Variants in CAMTA1 observed in about 807,000 individuals in gnomAD.
The protein encoded by CAMTA1 is calmodulin binding transcription activator 1.
CAMTA1 carries 27 observed loss-of-function variants against 170.9 expected under a neutral mutation model. That is an observed-to-expected ratio of 0.16 (90% confidence interval 0.12 to 0.22). CAMTA1 has a LOEUF of 0.22. CAMTA1 is among the 10% of genes least tolerant of loss of function. The probability of loss-of-function intolerance (pLI) is 1.00; values close to 1 mark genes in which losing one functional copy is unlikely to be tolerated. For missense variants in CAMTA1, 1,619 were observed against 2,217.2 expected (o/e 0.73, Z 5.42); for synonymous variants, 833 against 891.5 (o/e 0.93, Z 1.17).
intron 4 of CAMTA1, among the ~76,000 whole-genome samples, chr1:7,106,580 T>C (rs529023155): frequency 6.6e-6 from 1 of 152,230 alleles, no homozygotes; most frequent in Non-Finnish European, 1.5e-5. Flanking sequence ...TCAACTTCGG[T>C]GTCTTTCTTA....
At chr1:7,280,153 A>G (rs1557429829) in intron 5 of CAMTA1, among the ~76,000 whole-genome samples, 1 of 152,242 alleles carries the variant, frequency 6.6e-6, no homozygotes, top group Non-Finnish European at 1.5e-5. Context: ...TCCCAGCCTG[A>G]TGTGTGTCTG....
chr1:7,249,427 T>C lies in CAMTA1; in HGVS notation c.303-64T>C. The C allele has an allele frequency of 6.8e-7, 1 of 1,463,044 alleles. No homozygotes were observed. The allele number at this position is 1,463,044 out of a possible 1,614,324, so 90.6% of individuals were successfully genotyped here. On this transcript the variant is annotated intron_variant, in intron 4 of 22. Transcript: ENST00000303635. This position sits in a 1 kb window ranked among gnomAD's most constrained non-coding sequence, Gnocchi z 4.4. ...TAGAGACTTTTACTGGTCGATGATA[T>C]CTTTCTTCATAAATTTTTCTTCTAC...
intron 5 of CAMTA1, among the ~76,000 whole-genome samples, chr1:7,349,063 G>T (rs1450884671): frequency 6.6e-6 from 1 of 152,130 alleles, no homozygotes; most frequent in Non-Finnish European, 1.5e-5. Flanking sequence ...TCCATCCCAG[G>T]GCATATTGTG....
intron 4 of CAMTA1, among the ~76,000 whole-genome samples, chr1:7,153,350 A>G (rs767778688): frequency 6.6e-5 from 10 of 152,144 alleles, no homozygotes; most frequent in Non-Finnish European, 1.2e-4. Context: ...TGGATTGGAA[A>G]CATTTGAGGT....
intron 5 of CAMTA1, among the ~76,000 whole-genome samples, chr1:7,271,235 A>C (rs779230968): frequency 6.6e-6 from 1 of 152,172 alleles, no homozygotes; most frequent in Non-Finnish European, 1.5e-5. Context: ...AGACCGAGGA[A>C]AGAGGAAAGG....
chr1:6,807,081 C>T, intron 1 of CAMTA1: 1 of 645,324 alleles, frequency 1.5e-6, no homozygotes, highest in Non-Finnish European at 2.8e-6. Flanking sequence ...GGACTCAGTG[C>T]TGTGAAGGTG....
intron 6 of CAMTA1, among the ~76,000 whole-genome samples, chr1:7,596,166 G>C (rs560200591): frequency 1.4e-3 from 206 of 152,208 alleles, no homozygotes; most frequent in Non-Finnish European, 2.4e-3. Flanking sequence ...AAGCAGAGCC[G>C]AGTGGCTGGT....
At chr1:7,442,445 A>AAATAT (rs1409125574) in intron 5 of CAMTA1, among the ~76,000 whole-genome samples, 3 of 152,132 alleles carry the variant, frequency 2.0e-5, no homozygotes, top group African/African-American at 7.2e-5. Flanking sequence ...TGCATAGATG[A>AAATAT]GCAGGCAGCC....
At chr1:7,649,559 A>T (rs1399202494) in intron 7 of CAMTA1, among the ~76,000 whole-genome samples, 2 of 148,750 alleles carry the variant, frequency 1.3e-5, no homozygotes, top group Admixed American at 6.7e-5. Flanking sequence ...GGAGAGGCTG[A>T]CTTGAGTGTG....
chr1:7,498,173 T>A (rs746270018), intron 6 of CAMTA1, among the ~76,000 whole-genome samples: 3 of 125,886 alleles, frequency 2.4e-5, no homozygotes, highest in African/African-American at 1.0e-4. Flanking sequence ...TGTGTGTGCA[T>A]GTGTGTGTAT....
At chr1:7,499,309 A>AGT (rs145551629) in intron 6 of CAMTA1, among the ~76,000 whole-genome samples, 32,788 of 57,494 alleles carry the variant, frequency 0.57, 10,487 homozygotes, top group African/African-American at 0.74. Context: ...TATGTATATG[A>AGT]GTGTGTGTGC....
At chr1:7,709,209 G>T (rs149569869) in intron 11 of CAMTA1, among the ~76,000 whole-genome samples, 1 of 152,254 alleles carries the variant, frequency 6.6e-6, no homozygotes, top group Non-Finnish European at 1.5e-5. Flanking sequence ...CTGTTTATGG[G>T]GTGCAGAGGG....
intron 5 of CAMTA1, among the ~76,000 whole-genome samples, chr1:7,454,324 A>G (rs951307787): frequency 6.6e-6 from 1 of 152,212 alleles, no homozygotes; most frequent in Admixed American, 6.5e-5. Context: ...GGCAGGGGAC[A>G]GAGTGCCCCG....
chr1:7,612,298 C>T (rs1443547116), intron 6 of CAMTA1, among the ~76,000 whole-genome samples: 2 of 152,052 alleles, frequency 1.3e-5, no homozygotes, highest in Non-Finnish European at 2.9e-5. Context: ...GATGATTTTC[C>T]CCTGGAGTTT....
intron 5 of CAMTA1, among the ~76,000 whole-genome samples, chr1:7,294,476 G>A (rs891764528): frequency 2.6e-5 from 4 of 152,216 alleles, no homozygotes; most frequent in Admixed American, 2.6e-4. Context: ...CAGTGTGCGG[G>A]GGACAGGTGA....
intron 11 of CAMTA1, among the ~76,000 whole-genome samples, chr1:7,726,505 T>G (rs1468455705): frequency 5.3e-5 from 8 of 152,192 alleles, no homozygotes; most frequent in South Asian, 2.1e-4. Flanking sequence ...CTTTATACTG[T>G]TTTTTACTGA....
intron 6 of CAMTA1, among the ~76,000 whole-genome samples, chr1:7,527,598 G>A (rs890355187): frequency 6.6e-6 from 1 of 152,232 alleles, no homozygotes; most frequent in Non-Finnish European, 1.5e-5. Flanking sequence ...GAGGTAGCAG[G>A]GAAACACAGC....
At chr1:7,271,603 G>A (rs1243837425) in intron 5 of CAMTA1, among the ~76,000 whole-genome samples, 1 of 138,836 alleles carries the variant, frequency 7.2e-6, no homozygotes, top group African/African-American at 3.1e-5. Context: ...TAGATAGATA[G>A]ATAGATAGAT....
chr1:7,477,329 C>T (rs1346986218), intron 6 of CAMTA1, among the ~76,000 whole-genome samples: 1 of 152,102 alleles, frequency 6.6e-6, no homozygotes, highest in Non-Finnish European at 1.5e-5. Flanking sequence ...TCCTAAGCTG[C>T]CTCCTGGGTC....
Sources: allele counts gnomAD v4.1 joint callset (sites outside exome capture counted in the v4.1 genomes callset), GRCh38; gene constraint gnomAD v4.1.1; non-coding constraint Gnocchi (gnomAD v3.1); transcripts MANE v1.5; gene names NCBI Gene and HGNC (gene_info 2026-07-23, HGNC 2026-07-21).